MARCHF3: variants seen among roughly 807,000 people sequenced by gnomAD.
MARCHF3 encodes membrane associated ring-CH-type finger 3, also known as E3 ubiquitin-protein ligase MARCHF3.
Under a neutral mutation model 24.2 loss-of-function variants are expected in MARCHF3, and 13 were observed. The ratio of observed to expected loss-of-function variants is 0.54; its 90% CI spans 0.35 to 0.85. The LOEUF is 0.85. Among genes scored for constraint, MARCHF3 ranks in the 40% least tolerant of loss-of-function variants. The pLI is 0.01. For synonymous variants in MARCHF3, 144 were observed against 137.3 expected, an observed-to-expected ratio of 1.05 and a Z score of -0.34; for missense variants, 276 against 325.0, an observed-to-expected ratio of 0.85 and a Z score of 1.16.
chr5:126,996,648 T>C (rs1751957136), intron 1 of MARCHF3, among the ~76,000 whole-genome samples: 1 of 149,802 alleles, frequency 6.7e-6, no homozygotes, highest in Non-Finnish European at 1.5e-5. Flanking sequence ...CTTTGAGGAG[T>C]GGTATTAGCA....
intron 4 of MARCHF3, among the ~76,000 whole-genome samples, chr5:126,873,525 C>A (rs1753043288): frequency 6.6e-6 from 1 of 152,066 alleles, no homozygotes; most frequent in Admixed American, 6.5e-5. Context: ...GTTAGAATAT[C>A]AGAATTTTGG....
rs1752862571 is a variant in MARCHF3, at chr5:126,868,955, T to C, written c.*1678A>G. Reference sequence around the variant, plus strand: ...GTAAACAGAAGGGCTGAGACATATATTACTGGAATTGAAGTGTCCCAGTGA... The same window carrying C: ...GTAAACAGAAGGGCTGAGACATATACTACTGGAATTGAAGTGTCCCAGTGA... On this transcript the variant is annotated 3_prime_UTR_variant, in exon 5 of 5. Coordinates refer to ENST00000308660, the MANE Select transcript of MARCHF3 (RefSeq NM_178450.5). The C allele has an allele frequency of 2.0e-5, 3 of 152,248 alleles. No individual in the cohort carries two copies. Among genetic ancestry groups the C allele is most frequent in the Admixed American group, 2.0e-4 (3 of 15,270 alleles). 9.4% of individuals were successfully genotyped at this position (152,248 alleles called of 1,614,324 possible). A position where few individuals can be genotyped will look rare whatever the true frequency, so the allele number is the denominator to read the frequency against.
intron 1 of MARCHF3, among the ~76,000 whole-genome samples, chr5:127,015,874 T>C (rs1045016300): frequency 6.6e-6 from 1 of 152,156 alleles, no homozygotes; most frequent in African/African-American, 2.4e-5. Flanking sequence ...TGAAATCTCA[T>C]GCTGTCCCAC....
intron 1 of MARCHF3, among the ~76,000 whole-genome samples, chr5:126,922,754 G>A (rs1391464662): frequency 6.6e-6 from 1 of 152,042 alleles, no homozygotes; most frequent in Non-Finnish European, 1.5e-5. Context: ...CGCCATGTTA[G>A]CCAGGATGGT....
At chr5:126,968,208 T>C (rs991999956) in intron 1 of MARCHF3, among the ~76,000 whole-genome samples, 2 of 152,228 alleles carry the variant, frequency 1.3e-5, no homozygotes, top group Non-Finnish European at 2.9e-5. Flanking sequence ...AGTTGGACAG[T>C]TGGGTTGTTT....
At chr5:126,984,994 G>C (rs1170650209) in intron 1 of MARCHF3, among the ~76,000 whole-genome samples, 6 of 152,250 alleles carry the variant, frequency 3.9e-5, no homozygotes, top group Admixed American at 6.5e-5. Flanking sequence ...CTGGAAAAAA[G>C]AGGAATAACG....
At chr5:126,995,000 CCTT>C (rs1237888468) in intron 1 of MARCHF3, among the ~76,000 whole-genome samples, 1 of 152,244 alleles carries the variant, frequency 6.6e-6, no homozygotes, top group South Asian at 2.1e-4. Flanking sequence ...AGTCCTTCCA[CCTT>C]CTTCTGCCTG....
chr5:126,983,154 G>A (rs746145723), intron 1 of MARCHF3, among the ~76,000 whole-genome samples: 6 of 152,122 alleles, frequency 3.9e-5, no homozygotes, highest in Admixed American at 1.3e-4. Flanking sequence ...GAATCACATC[G>A]CTGGATGCCA....
chr5:126,969,684 T>A (rs913394182), intron 1 of MARCHF3, among the ~76,000 whole-genome samples: 1 of 152,170 alleles, frequency 6.6e-6, no homozygotes, highest in African/African-American at 2.4e-5. Context: ...GTTCTGGAGA[T>A]GTGAGGCCAG....
intron 1 of MARCHF3, among the ~76,000 whole-genome samples, chr5:126,943,366 C>T (rs1192788414): frequency 6.6e-6 from 1 of 151,776 alleles, no homozygotes; most frequent in Non-Finnish European, 1.5e-5. Flanking sequence ...TTGTTTGAGC[C>T]CAGGAGATTG....
intron 3 of MARCHF3, among the ~76,000 whole-genome samples, chr5:126,907,644 C>T (rs1383534954): frequency 1.4e-5 from 2 of 147,078 alleles, no homozygotes; most frequent in Non-Finnish European, 3.0e-5. Context: ...GATTGCAACC[C>T]CTGCCTTTTT....
chr5:126,998,906 T>G (rs538603581), intron 1 of MARCHF3, among the ~76,000 whole-genome samples: 3 of 152,120 alleles, frequency 2.0e-5, no homozygotes, highest in Non-Finnish European at 4.4e-5. Context: ...AGTAAAAAAC[T>G]GTGACTAAGA....
rs1477215742 is a variant in MARCHF3 at position 126,995,691 on chromosome 5, TTGAA to T, written c.-57+34655_-57+34658del. Reference sequence around the variant, plus strand: ...ATGACCATTATGTACTGTCTCCACTTTGAATGTCTGTGACTTGCAACTAAGTTTT... The same window carrying T: ...ATGACCATTATGTACTGTCTCCACTTTGTCTGTGACTTGCAACTAAGTTTT... On this transcript the variant is annotated intron_variant, in intron 1 of 4. Transcript: ENST00000308660. 2.0e-5 allele frequency among the ~76,000 whole-genome samples: 3 copies of T among 152,368 alleles called. No homozygotes were observed. In the East Asian group the frequency reaches 5.8e-4, roughly 29 times the overall value.
At chr5:126,976,586 C>A (rs1751206883) in intron 1 of MARCHF3, among the ~76,000 whole-genome samples, 2 of 152,200 alleles carry the variant, frequency 1.3e-5, no homozygotes, top group South Asian at 4.1e-4. Context: ...CCTTGACCTG[C>A]CTTGGGGCCA....
intron 3 of MARCHF3, among the ~76,000 whole-genome samples, chr5:126,911,563 T>C (rs1561421975): frequency 6.6e-6 from 1 of 152,226 alleles, no homozygotes; most frequent in Non-Finnish European, 1.5e-5. Context: ...TTTGCATTAG[T>C]TGGACTTCAT....
intron 1 of MARCHF3, among the ~76,000 whole-genome samples, chr5:127,029,637 G>C (rs923799214): frequency 6.6e-5 from 10 of 152,142 alleles, no homozygotes; most frequent in African/African-American, 2.4e-4. Flanking sequence ...CAACCGACCA[G>C]GCTGGCAATC....
At chr5:127,014,565 T>A (rs1200530950) in intron 1 of MARCHF3, among the ~76,000 whole-genome samples, 1 of 152,124 alleles carries the variant, frequency 6.6e-6, no homozygotes, top group African/African-American at 2.4e-5. Flanking sequence ...TAAGTGTCCA[T>A]CAATGGATGA....
At chr5:127,007,995 C>A (rs751740169) in intron 1 of MARCHF3, among the ~76,000 whole-genome samples, 3 of 151,802 alleles carry the variant, frequency 2.0e-5, no homozygotes, top group Non-Finnish European at 4.4e-5. Context: ...AAAACCTAGT[C>A]CTCCTTCAGA....
intron 1 of MARCHF3, among the ~76,000 whole-genome samples, chr5:126,934,496 A>G (rs777741100): frequency 6.6e-6 from 1 of 151,440 alleles, no homozygotes; most frequent in African/African-American, 2.4e-5. Context: ...GAAATCAGGC[A>G]CTCTGATCTA....
Sources: gnomAD v4.1 joint callset for allele counts (sites outside exome capture counted in the v4.1 genomes callset) on GRCh38, gnomAD v4.1.1 for gene constraint, MANE v1.5 for transcripts, NCBI Gene and HGNC (gene_info 2026-07-23, HGNC 2026-07-21) for gene names.